Variants in GYPB observed in about 807,000 individuals in gnomAD.
GYPB encodes the protein glycophorin-B.
GYPB carries 13 observed loss-of-function variants against 15.3 expected under a neutral mutation model. The ratio of observed to expected loss-of-function variants is 0.85; its 90% confidence interval spans 0.55 to 1.35. GYPB has a LOEUF of 1.35. Among genes scored for constraint, GYPB ranks in the 40% most tolerant of loss-of-function variants. The pLI is 0.00. For missense variants in GYPB, 131 were observed against 108.3 expected, an observed-to-expected ratio of 1.21 and a Z score of -0.93; for synonymous variants, 38 against 36.9, an observed-to-expected ratio of 1.03 and a Z score of -0.11.
chr4:144,004,670 C>T (rs1340065156), intron 1 of GYPB, among the ~76,000 whole-genome samples: 8 of 151,290 alleles, frequency 5.3e-5, no homozygotes, highest in Admixed American at 1.3e-4. Flanking sequence ...AAGCTTCATT[C>T]AAAATTCAAG....
chr4:143,998,274 G>T (rs1363000184), intron 3 of GYPB, among the ~76,000 whole-genome samples: 1 of 151,442 alleles, frequency 6.6e-6, no homozygotes. Flanking sequence ...TGTTGGGAAT[G>T]AAACAATTGA....
chr4:144,007,805 A>T (rs11936231), intron 1 of GYPB, among the ~76,000 whole-genome samples: 5 of 151,310 alleles, frequency 3.3e-5, no homozygotes, highest in Non-Finnish European at 5.9e-5. Context: ...CTTTAAAAAA[A>T]GTTTTGCTTT....
At chr4:143,996,622 TAGTC>T (rs1422506733) in intron 4 of GYPB, among the ~76,000 whole-genome samples, 2 of 150,086 alleles carry the variant, frequency 1.3e-5, no homozygotes, top group African/African-American at 5.0e-5. Flanking sequence ...ATACAAAAAT[TAGTC>T]AGGCATGGTA....
intron 3 of GYPB, among the ~76,000 whole-genome samples, 193 bp from the exon 4 acceptor site, chr4:143,997,827 G>A (rs1560703378): frequency 1.3e-5 from 2 of 151,372 alleles, no homozygotes; most frequent in Non-Finnish European, 2.9e-5. Flanking sequence ...GGGACTGTGA[G>A]TGATCAAGTC....
rs189631525 is a variant in GYPB, at chr4:144,015,029, C to T, written c.37+4222G>A. On this transcript the variant is annotated intron_variant, in intron 1 of 4. Transcript: ENST00000502664. ...TTCCAGTGCTTACATATAATAATTTCGGTTAGACAGAAATTCTTAATAAAT... is the reference window on the plus strand; with the variant it reads ...TTCCAGTGCTTACATATAATAATTTTGGTTAGACAGAAATTCTTAATAAAT... Among the ~76,000 whole-genome samples, 483 of 151,292 alleles carry T rather than the reference C, an allele frequency of 3.2e-3. 32 individuals are homozygous for T. Among genetic ancestry groups the T allele is most frequent in the African/African-American group, 0.011 (464 of 40,734 alleles).
chr4:144,013,400 C>A (rs1033534343), intron 1 of GYPB, among the ~76,000 whole-genome samples: 1 of 151,214 alleles, frequency 6.6e-6, no homozygotes, highest in South Asian at 2.1e-4. Context: ...ACCATTTGAC[C>A]CAGCCATCCA....
At chr4:143,998,120 A>C (rs994266026) in intron 3 of GYPB, among the ~76,000 whole-genome samples, 12 of 151,444 alleles carry the variant, frequency 7.9e-5, no homozygotes, top group Non-Finnish European at 1.5e-4. Flanking sequence ...AATAAGGTTA[A>C]CTTAGCCTTG....
At chr4:144,003,723 G>C (rs2941908) in intron 1 of GYPB, among the ~76,000 whole-genome samples, 1,874 of 151,394 alleles carry the variant, frequency 0.012, 142 homozygotes, top group African/African-American at 0.044. Flanking sequence ...AGACTTCTTT[G>C]TTCTTCAACA....
At chr4:143,996,102 A>C (rs1212577744), downstream of GYPB, 77 of 1,381,924 alleles carry the variant, frequency 5.6e-5, no homozygotes, top group African/African-American at 9.1e-5. Flanking sequence ...ATAATACATG[A>C]AAACGGTTTG....
intron 1 of GYPB, chr4:144,016,763 G>A: frequency 2.5e-6 from 1 of 395,696 alleles, no homozygotes; most frequent in African/African-American, 2.1e-5. Flanking sequence ...CTGATTTTCA[G>A]ATAAAAGCTC....
At chr4:144,017,992 G>T (rs1728593932) in intron 1 of GYPB, among the ~76,000 whole-genome samples, 4 of 151,050 alleles carry the variant, frequency 2.6e-5, no homozygotes, top group Admixed American at 2.6e-4. Flanking sequence ...ACGTAGGTTT[G>T]TTCCCTAGTC....
At chr4:143,997,879 C>T (rs1727409773) in intron 3 of GYPB, among the ~76,000 whole-genome samples, 1 of 151,224 alleles carries the variant, frequency 6.6e-6, no homozygotes, top group African/African-American at 2.5e-5. Context: ...AGAACTAAGA[C>T]CTGAGGCTTC....
At chr4:144,014,401 A>C (rs1243180615) in intron 1 of GYPB, among the ~76,000 whole-genome samples, 2 of 151,824 alleles carry the variant, frequency 1.3e-5, no homozygotes, top group Non-Finnish European at 2.9e-5. Flanking sequence ...AATTTTCATC[A>C]AATGATGGAT....
chr4:144,008,950 A>C (rs780166684), intron 1 of GYPB, among the ~76,000 whole-genome samples: 1 of 151,410 alleles, frequency 6.6e-6, no homozygotes, highest in Non-Finnish European at 1.5e-5. Flanking sequence ...GTCAATTCTT[A>C]CATTTTCTAT....
intron 1 of GYPB, among the ~76,000 whole-genome samples, chr4:144,015,489 A>G (rs1158608474): frequency 6.6e-6 from 1 of 151,512 alleles, no homozygotes; most frequent in Non-Finnish European, 1.5e-5. Flanking sequence ...GTGTCAAAAT[A>G]TAATCTATAA....
chr4:144,005,062 A>C (rs1727832169), intron 1 of GYPB, among the ~76,000 whole-genome samples: 1 of 151,956 alleles, frequency 6.6e-6, no homozygotes, highest in Admixed American at 6.5e-5. Flanking sequence ...TAGCTAAATT[A>C]GCTTTCAAAA....
At chr4:144,000,687 G>A (rs1727578576) in intron 2 of GYPB, among the ~76,000 whole-genome samples, 1 of 151,092 alleles carries the variant, frequency 6.6e-6, no homozygotes, top group African/African-American at 2.5e-5. Context: ...CTGAGAATGT[G>A]TGAGGCTCTG....
At chr4:144,000,390 C>T in intron 2 of GYPB, 1 of 1,024,328 alleles carries the variant, frequency 9.8e-7, no homozygotes, top group Admixed American at 3.6e-5. Context: ...TAACGTTTTT[C>T]TTTTCTGGAG....
At chr4:144,005,384 A>G (rs1369475903) in intron 1 of GYPB, among the ~76,000 whole-genome samples, 2 of 151,968 alleles carry the variant, frequency 1.3e-5, no homozygotes, top group East Asian at 3.8e-4. Context: ...ATTGGGGCAT[A>G]TTGTACATAC....
Sources: gnomAD v4.1 joint callset for allele counts (sites outside exome capture counted in the v4.1 genomes callset) on GRCh38, gnomAD v4.1.1 for gene constraint, MANE v1.5 for transcripts, NCBI Gene and HGNC (gene_info 2026-07-23, HGNC 2026-07-21) for gene names.